The following RYR2 variants were observed in gnomAD, a reference collection of about 807,000 sequenced individuals.
The protein encoded by RYR2 is cardiac muscle ryanodine receptor-calcium release channel.
In RYR2, 227 loss-of-function variants were observed where a neutral mutation model predicts 601.1. The observed-to-expected ratio is 0.38, with a 90% CI of 0.34 to 0.42. The LOEUF (loss-of-function observed/expected upper bound fraction) is 0.42. Ranked by LOEUF, RYR2 falls within the 10% of genes least tolerant of loss-of-function variation. RYR2 has a pLI of 1.00. For missense variants in RYR2, 4,646 were observed against 6,156.5 expected (o/e 0.75, Z 8.21); for synonymous variants, 2,223 against 2,175.1 (o/e 1.02, Z -0.61).
At chr1:237,450,523 G>A (rs1297085776) in intron 14 of RYR2, among the ~76,000 whole-genome samples, 1 of 145,482 alleles carries the variant, frequency 6.9e-6, no homozygotes, top group Non-Finnish European at 1.5e-5. Context: ...TCCCTGCCCC[G>A]CCACTCCCCA....
intron 1 of RYR2, among the ~76,000 whole-genome samples, chr1:237,100,657 A>G (rs1450669684): frequency 6.6e-6 from 1 of 152,092 alleles, no homozygotes; most frequent in Non-Finnish European, 1.5e-5. Flanking sequence ...AACTTCTGGG[A>G]TCACAGGCAT....
chr1:237,785,462 C>G (rs79476275), intron 90 of RYR2, among the ~76,000 whole-genome samples: 22,243 of 152,132 alleles, frequency 0.15, 1,834 homozygotes, highest in Middle Eastern at 0.21. Flanking sequence ...ATAGGGAATT[C>G]AAAGGTAAGA....
At chr1:237,573,603 G>T (rs1484725171) in intron 29 of RYR2, among the ~76,000 whole-genome samples, 1 of 149,848 alleles carries the variant, frequency 6.7e-6, no homozygotes. Flanking sequence ...ACAAGATCAG[G>T]AGATCAAGAC....
chr1:237,754,941 T>A (rs1379617452), intron 80 of RYR2: 3 of 440,410 alleles, frequency 6.8e-6, no homozygotes, highest in Non-Finnish European at 1.1e-5. Flanking sequence ...CTGCCTCTTT[T>A]TTTTTCTTTT....
chr1:237,337,251 CAAA>C (rs1402777135), intron 3 of RYR2, among the ~76,000 whole-genome samples: 1 of 65,384 alleles, frequency 1.5e-5, no homozygotes, highest in Non-Finnish European at 3.5e-5. Flanking sequence ...GTATCCATCT[CAAA>C]AAAAAAAAAA....
chr1:237,313,746 C>A (rs1694807785), intron 2 of RYR2, among the ~76,000 whole-genome samples: 1 of 152,114 alleles, frequency 6.6e-6, no homozygotes. Context: ...AATTTGAAGA[C>A]CATTATCTCT....
chr1:237,368,649 G>A (rs926945791), intron 5 of RYR2, among the ~76,000 whole-genome samples: 57 of 152,074 alleles, frequency 3.7e-4, no homozygotes, highest in African/African-American at 1.4e-3. Context: ...GTTTTTACAA[G>A]CTCTCCAATT....
intron 1 of RYR2, among the ~76,000 whole-genome samples, chr1:237,098,854 T>C (rs1667767559): frequency 6.6e-6 from 1 of 152,214 alleles, no homozygotes; most frequent in Non-Finnish European, 1.5e-5. Context: ...GATTCAATCC[T>C]GACTGAAAGA....
chr1:237,390,055 GA>G (rs943318551), intron 10 of RYR2, among the ~76,000 whole-genome samples: 1 of 152,184 alleles, frequency 6.6e-6, no homozygotes, highest in Non-Finnish European at 1.5e-5. Flanking sequence ...GAGTCAGCAA[GA>G]GAGTCAGAGT....
In RYR2 at chr1:237,236,580, G is replaced by A. The variant is rs145117731; in HGVS notation, c.49-33917G>A. ...TGATTGATACAAGGTTGTGCAGATA[G>A]TTATTGGTAGAGAAAGTCTAAAGCT... On this transcript the variant is annotated intron_variant, in intron 1 of 104. Transcript: ENST00000366574. Among the ~76,000 whole-genome samples, 19 of 152,280 alleles carry A rather than the reference G, an allele frequency of 1.2e-4. No individual in the cohort carries two copies. In the East Asian group the frequency reaches 3.5e-3, roughly 28 times the overall value.
Position 237,731,424 on chromosome 1 carries a change from G to T in RYR2, c.10936-622G>T, listed in dbSNP as rs560019078. 1.3e-3 allele frequency among the ~76,000 whole-genome samples: 199 copies of T among 152,234 alleles called. 2 individuals are homozygous for T. The highest frequency in any genetic ancestry group is 4.6e-3 in the African/African-American group (193 of 41,582). On this transcript the variant is annotated intron_variant, in intron 77 of 104. Transcript: ENST00000366574. ...AAGAAAAAAAGTATAAGTGGTTCAA[G>T]CATTAACTCATTTAGTATTATTTAC...
intron 24 of RYR2, 82 bp from the exon 25 acceptor site, chr1:237,530,345 T>A (rs1668019113): frequency 2.0e-6 from 2 of 1,011,204 alleles, no homozygotes; most frequent in East Asian, 5.2e-5. Flanking sequence ...CAAGGTTGTA[T>A]CTCATTGCTA....
chr1:237,103,949 T>C (rs1398301139), intron 1 of RYR2, among the ~76,000 whole-genome samples: 1 of 149,436 alleles, frequency 6.7e-6, no homozygotes, highest in Non-Finnish European at 1.5e-5. Flanking sequence ...ATTCTGTCTC[T>C]TTTGTCTGGT....
chr1:237,197,721 A>G (rs1680722889), intron 1 of RYR2, among the ~76,000 whole-genome samples: 1 of 152,208 alleles, frequency 6.6e-6, no homozygotes, highest in South Asian at 2.1e-4. Context: ...TGGAGGGAAT[A>G]GGAAGCAAAA....
At chr1:237,435,116 C>T (rs7529251) in intron 12 of RYR2, among the ~76,000 whole-genome samples, 32,993 of 152,122 alleles carry the variant, frequency 0.22, 6,663 homozygotes, top group African/African-American at 0.54. Context: ...TTATTTTTAT[C>T]TGGATTTTTT....
At chr1:237,340,184 C>T (rs1332880455) in intron 3 of RYR2, among the ~76,000 whole-genome samples, 8 of 152,152 alleles carry the variant, frequency 5.3e-5, no homozygotes, top group Non-Finnish European at 1.0e-4. Context: ...CAAGTAAAAT[C>T]TTTGCCTATG....
intron 4 of RYR2, among the ~76,000 whole-genome samples, chr1:237,358,218 A>G (rs1394015793): frequency 6.6e-6 from 1 of 152,188 alleles, no homozygotes; most frequent in African/African-American, 2.4e-5. Context: ...TTCAAGTCAT[A>G]CAGATCTCAT....
At chr1:237,775,393 G>A (rs1694585095) in intron 87 of RYR2, among the ~76,000 whole-genome samples, 2 of 151,814 alleles carry the variant, frequency 1.3e-5, no homozygotes, top group Admixed American at 1.3e-4. Flanking sequence ...TAAAATTCTG[G>A]GATACAATCC....
chr1:237,799,078 T>C (rs576059465), intron 97 of RYR2, among the ~76,000 whole-genome samples: 1 of 152,342 alleles, frequency 6.6e-6, no homozygotes, highest in South Asian at 2.1e-4. Flanking sequence ...TTGGTCATAT[T>C]GTTTTTATCT....
Sources: gnomAD v4.1 joint callset for allele counts (sites outside exome capture counted in the v4.1 genomes callset) on GRCh38, gnomAD v4.1.1 for gene constraint, MANE v1.5 for transcripts, NCBI Gene and HGNC (gene_info 2026-07-23, HGNC 2026-07-21) for gene names.